The following LGSN variants were observed in gnomAD, a reference collection of about 807,000 sequenced individuals.
The protein encoded by LGSN is lengsin, lens protein with glutamine synthetase domain.
A neutral mutation model predicts 19.5 loss-of-function variants in LGSN; 21 were observed. That is an observed-to-expected ratio of 1.07 (90% CI 0.76 to 1.55). The LOEUF is 1.55. Ranked by LOEUF, LGSN falls within the 40% of genes most tolerant of loss-of-function variation. LGSN has a pLI of 0.00. For missense variants in LGSN, 673 were observed against 608.5 expected, an observed-to-expected ratio of 1.11 and a Z score of -1.12; for synonymous variants, 257 against 215.6, an observed-to-expected ratio of 1.19 and a Z score of -1.68.
the LGSN span, chr6:63,549,563 G>C: frequency 3.3e-6 from 2 of 599,808 alleles, no homozygotes; most frequent in African/African-American, 1.9e-5. Flanking sequence ...GACAAGATTT[G>C]AAGTTTTTTT....
the LGSN span, among the ~76,000 whole-genome samples, chr6:63,438,242 C>T: frequency 6.6e-6 from 1 of 152,140 alleles, no homozygotes; most frequent in African/African-American, 2.4e-5. Context: ...GTGAAACTGT[C>T]TCTACAAAAA....
Position 63,276,398 on chromosome 6 carries a change from A to G in LGSN, c.*3623T>C, listed in dbSNP as rs1185855199. The G allele has an allele frequency of 6.8e-6, 1 of 148,132 alleles. No homozygotes were observed. The highest frequency in any genetic ancestry group is 1.5e-5 in the Non-Finnish European group (1 of 68,008). The allele number at this position is 148,132 out of a possible 1,614,324, so 9.2% of individuals were successfully genotyped here. A position where few individuals can be genotyped will look rare whatever the true frequency, so the allele number is the denominator to read the frequency against. On this transcript the variant is annotated 3_prime_UTR_variant, in exon 4 of 4. Transcript: ENST00000370657. ...AATAGAAACTTGTTACTACAATACT[A>G]ATGTTTTAATTTCTAGTCTTAAAAT...
At chr6:63,482,851 C>T in the LGSN span, among the ~76,000 whole-genome samples, 1 of 152,136 alleles carries the variant, frequency 6.6e-6, no homozygotes, top group Non-Finnish European at 1.5e-5. Flanking sequence ...TAGGCGCGCA[C>T]CACCATGCCC....
the LGSN span, chr6:63,572,051 C>T: frequency 6.6e-6 from 1 of 152,278 alleles, no homozygotes; most frequent in Non-Finnish European, 1.5e-5. Context: ...GCAGGCTCGA[C>T]ACTGAGACGC....
the LGSN span, among the ~76,000 whole-genome samples, chr6:63,330,087 G>T: frequency 6.6e-6 from 1 of 152,234 alleles, no homozygotes; most frequent in Non-Finnish European, 1.5e-5. Flanking sequence ...TGGATCATCT[G>T]GTTGGGGCTT....
chr6:63,413,706 A>G, the LGSN span, among the ~76,000 whole-genome samples: 60 of 152,302 alleles, frequency 3.9e-4, no homozygotes, highest in East Asian at 0.011. Context: ...TCTTTTTACA[A>G]ATAATTGAGT....
chr6:63,316,716 A>C (rs1483358884), intron 1 of LGSN, among the ~76,000 whole-genome samples: 1 of 151,994 alleles, frequency 6.6e-6, no homozygotes, highest in Admixed American at 6.6e-5. Flanking sequence ...AAGCAACAAA[A>C]ATATTTCAAA....
At chr6:63,411,687 A>T in the LGSN span, among the ~76,000 whole-genome samples, 1 of 152,054 alleles carries the variant, frequency 6.6e-6, no homozygotes, top group South Asian at 2.1e-4. Flanking sequence ...AAAAATAAAA[A>T]ATATTAGCTG....
the LGSN span, among the ~76,000 whole-genome samples, chr6:63,370,601 C>T: frequency 1.3e-5 from 2 of 152,206 alleles, no homozygotes; most frequent in African/African-American, 2.4e-5. Flanking sequence ...GTCCTGCCTA[C>T]GCATCTATCC....
intron 1 of LGSN, among the ~76,000 whole-genome samples, chr6:63,297,329 G>A (rs1768012475): frequency 7.1e-6 from 1 of 141,202 alleles, no homozygotes; most frequent in Non-Finnish European, 1.5e-5. Flanking sequence ...GGCAAGAAGA[G>A]TGAGAGAAGA....
rs1162300848 is a variant in LGSN at position 63,276,762 on chromosome 6, G to A, written c.*3259C>T. On this transcript the variant is annotated 3_prime_UTR_variant, in exon 4 of 4. Coordinates refer to ENST00000370657, the MANE Select transcript of LGSN (RefSeq NM_016571.3). Reference sequence around the variant, plus strand: ...TTAGCACACAAATGGTGCTCAATAAGTGCTGCTGAATGAATGTCTGACCCT... The same window carrying A: ...TTAGCACACAAATGGTGCTCAATAAATGCTGCTGAATGAATGTCTGACCCT... The A allele has an allele frequency of 6.6e-6, 1 of 152,224 alleles. No individual in the cohort carries two copies. Among genetic ancestry groups the A allele is most frequent in the Non-Finnish European group, 1.5e-5 (1 of 68,038 alleles). The allele number at this position is 152,224 out of a possible 1,614,324, so 9.4% of individuals were successfully genotyped here.
At chr6:63,536,749 CTT>C in the LGSN span, among the ~76,000 whole-genome samples, 1 of 152,008 alleles carries the variant, frequency 6.6e-6, no homozygotes, top group African/African-American at 2.4e-5. Context: ...AAAAAGCAGT[CTT>C]AATTTTTATT....
the LGSN span, among the ~76,000 whole-genome samples, chr6:63,473,581 TAC>T: frequency 3.4e-5 from 5 of 148,100 alleles, no homozygotes; most frequent in Non-Finnish European, 6.0e-5. Flanking sequence ...GTCCACAACC[TAC>T]ACATAAATAA....
the LGSN span, among the ~76,000 whole-genome samples, chr6:63,513,780 G>A: frequency 1.3e-5 from 2 of 151,572 alleles, no homozygotes; most frequent in African/African-American, 2.4e-5. Flanking sequence ...GTGTGGAGGC[G>A]GGTGCCTGTA....
At chr6:63,364,231 A>G in the LGSN span, among the ~76,000 whole-genome samples, 3 of 151,754 alleles carry the variant, frequency 2.0e-5, no homozygotes, top group African/African-American at 7.3e-5. Flanking sequence ...GGGATGGAGG[A>G]AGATCTACCA....
At chr6:63,533,553 T>C in the LGSN span, among the ~76,000 whole-genome samples, 1 of 152,214 alleles carries the variant, frequency 6.6e-6, no homozygotes, top group Non-Finnish European at 1.5e-5. Flanking sequence ...CAAACTATAG[T>C]ATGCGTTGTT....
At chr6:63,370,261 G>A in the LGSN span, among the ~76,000 whole-genome samples, 1 of 152,182 alleles carries the variant, frequency 6.6e-6, no homozygotes, top group Non-Finnish European at 1.5e-5. Flanking sequence ...TGCTGGCATG[G>A]TATCCCAGGT....
the LGSN span, among the ~76,000 whole-genome samples, chr6:63,423,892 T>A: frequency 6.6e-6 from 1 of 151,812 alleles, no homozygotes; most frequent in Non-Finnish European, 1.5e-5. Context: ...ACAAAAAAAT[T>A]AGCCGGGCAT....
chr6:63,302,635 A>C (rs1024544862), intron 1 of LGSN, among the ~76,000 whole-genome samples: 50 of 152,354 alleles, frequency 3.3e-4, no homozygotes, highest in African/African-American at 1.2e-3. Context: ...ATGTTGTTAA[A>C]ATATGCAATT....
Sources: allele counts gnomAD v4.1 joint callset (sites outside exome capture counted in the v4.1 genomes callset), GRCh38; gene constraint gnomAD v4.1.1; transcripts MANE v1.5; gene names NCBI Gene and HGNC (gene_info 2026-07-23, HGNC 2026-07-21).